CBLB: variants seen among roughly 807,000 people sequenced by gnomAD.
The protein encoded by CBLB is E3 ubiquitin-protein ligase CBL-B.
In CBLB, 31 loss-of-function variants were observed where a neutral mutation model predicts 104.9. That is an observed-to-expected ratio of 0.30 (90% CI 0.22 to 0.40). CBLB has a LOEUF of 0.40. Among genes scored for constraint, CBLB ranks in the 10% least tolerant of loss-of-function variants. The pLI is 1.00. For synonymous variants in CBLB, 440 were observed against 422.6 expected, an observed-to-expected ratio of 1.04 and a Z score of -0.51; for missense variants, 1,062 against 1,214.6, an observed-to-expected ratio of 0.87 and a Z score of 1.87.
intron 3 of CBLB, among the ~76,000 whole-genome samples, chr3:105,846,225 T>C (rs1222286235): frequency 2.6e-5 from 4 of 152,016 alleles, no homozygotes; most frequent in African/African-American, 9.7e-5. Context: ...TTTGTCCTCA[T>C]CAAATTCAAA....
At chr3:105,698,988 C>G (rs977949363) in intron 12 of CBLB, among the ~76,000 whole-genome samples, 2 of 152,042 alleles carry the variant, frequency 1.3e-5, no homozygotes, top group Non-Finnish European at 2.9e-5. Flanking sequence ...GCCATCCTCT[C>G]CCTCCACCTT....
chr3:105,702,224 A>G lies in CBLB; in HGVS notation c.1829T>C (p.Leu610Pro). 1 of 1,614,088 alleles carries G rather than the reference A, an allele frequency of 6.2e-7. No homozygotes were observed. The highest frequency in any genetic ancestry group is 8.5e-7 in the Non-Finnish European group (1 of 1,179,984). Residue 610 changes from leucine to proline, a missense_variant, in exon 12 of 19, where the codon CTA (leucine) becomes CCA (proline). Coordinates refer to ENST00000394030, the MANE Select transcript of CBLB (RefSeq NM_170662.5). ...TCCAGGTTTTGGAGAGCCCTCCCCT[A>G]GGAGTCGACATCCCACAAGCTGATT... ...GTNQLVGCRL[L>P]GEGSPKPGIT... is the part of the protein sequence containing the mutation.
chr3:105,667,920 A>G (rs1288554375), intron 18 of CBLB, among the ~76,000 whole-genome samples: 1 of 152,172 alleles, frequency 6.6e-6, no homozygotes, highest in Admixed American at 6.5e-5. Context: ...TTAGAATCCT[A>G]AAGGCGCATA....
intron 3 of CBLB, among the ~76,000 whole-genome samples, chr3:105,785,812 C>T (rs1246794494): frequency 6.6e-6 from 1 of 152,106 alleles, no homozygotes; most frequent in Non-Finnish European, 1.5e-5. Context: ...TCAGTATGTG[C>T]AAATATAAAG....
chr3:105,746,261 G>A (rs945551720), intron 5 of CBLB, among the ~76,000 whole-genome samples: 3 of 152,146 alleles, frequency 2.0e-5, no homozygotes, highest in Non-Finnish European at 2.9e-5. Flanking sequence ...TTCAGGAAGA[G>A]AATACAGAGA....
intron 10 of CBLB, among the ~76,000 whole-genome samples, chr3:105,705,771 G>T (rs2070019837): frequency 6.6e-6 from 1 of 151,986 alleles, no homozygotes; most frequent in South Asian, 2.1e-4. Flanking sequence ...TATACTCTTT[G>T]CAAGGAAGTC....
chr3:105,717,121 T>C (rs2072009761), intron 10 of CBLB, among the ~76,000 whole-genome samples: 1 of 152,104 alleles, frequency 6.6e-6, no homozygotes, highest in Non-Finnish European at 1.5e-5. Context: ...GACTGCAACT[T>C]TTCCCAAATT....
At chr3:105,801,996 T>C (rs1238266940) in intron 3 of CBLB, among the ~76,000 whole-genome samples, 14 of 152,160 alleles carry the variant, frequency 9.2e-5, no homozygotes, top group Admixed American at 6.5e-4. Flanking sequence ...AAAGTATATA[T>C]ACATTTAAAC....
chr3:105,659,864 C>G (rs1402686752), intron 18 of CBLB, among the ~76,000 whole-genome samples: 1 of 151,978 alleles, frequency 6.6e-6, no homozygotes, highest in Non-Finnish European at 1.5e-5. Context: ...TGTTAGTCAA[C>G]AGGCTGAACG....
At chr3:105,661,936 A>C (rs1032414219) in intron 18 of CBLB, among the ~76,000 whole-genome samples, 1 of 152,224 alleles carries the variant, frequency 6.6e-6, no homozygotes, top group Non-Finnish European at 1.5e-5. Flanking sequence ...TGCTATACTC[A>C]AATGCTATAA....
At chr3:105,779,314 G>A (rs776916068) in intron 3 of CBLB, among the ~76,000 whole-genome samples, 1 of 151,932 alleles carries the variant, frequency 6.6e-6, no homozygotes, top group Non-Finnish European at 1.5e-5. Context: ...TAATCACCAG[G>A]ACCTATATCA....
intron 3 of CBLB, among the ~76,000 whole-genome samples, chr3:105,852,901 G>A (rs996545814): frequency 6.6e-6 from 1 of 152,078 alleles, no homozygotes; most frequent in Non-Finnish European, 1.5e-5. Context: ...ATTTTTAGTA[G>A]AGACAGGGTT....
At chr3:105,787,718 A>G (rs528671647) in intron 3 of CBLB, among the ~76,000 whole-genome samples, 2 of 152,326 alleles carry the variant, frequency 1.3e-5, no homozygotes, top group South Asian at 4.1e-4. Flanking sequence ...CTAACATAGA[A>G]AACTCAAATT....
chr3:105,680,262 G>GA (rs2066152449), intron 16 of CBLB, among the ~76,000 whole-genome samples: 1 of 151,976 alleles, frequency 6.6e-6, no homozygotes, highest in African/African-American at 2.4e-5. Flanking sequence ...ACAGTATGAA[G>GA]AAAAAAATGA....
intron 3 of CBLB, among the ~76,000 whole-genome samples, chr3:105,786,910 A>G (rs1174892823): frequency 6.6e-6 from 1 of 152,172 alleles, no homozygotes; most frequent in East Asian, 1.9e-4. Flanking sequence ...GATTCAATTA[A>G]CTCCATTTTA....
intron 3 of CBLB, among the ~76,000 whole-genome samples, chr3:105,807,978 T>C (rs947304409): frequency 4.3e-4 from 66 of 152,300 alleles, no homozygotes; most frequent in Admixed American, 1.3e-4. Flanking sequence ...GTAACAAATA[T>C]GTAACCACTC....
At chr3:105,758,325 T>C (rs1027530343) in intron 4 of CBLB, among the ~76,000 whole-genome samples, 5 of 152,182 alleles carry the variant, frequency 3.3e-5, no homozygotes, top group Non-Finnish European at 4.4e-5. Context: ...CACTCTTCCT[T>C]ATACATGAAA....
chr3:105,840,537 T>C (rs11924926), intron 3 of CBLB, among the ~76,000 whole-genome samples: 152,298 of 152,368 alleles, frequency 1, 76,114 homozygotes, highest in Non-Finnish European at 1. Flanking sequence ...AAAGGCATTA[T>C]AATTCTGATA....
chr3:105,848,855 T>C (rs1020515919), intron 3 of CBLB, among the ~76,000 whole-genome samples: 6 of 152,136 alleles, frequency 3.9e-5, no homozygotes, highest in African/African-American at 1.2e-4. Context: ...GTAACCAGCG[T>C]TGTCATACCG....
Sources: gnomAD v4.1 joint callset for allele counts (sites outside exome capture counted in the v4.1 genomes callset) on GRCh38, gnomAD v4.1.1 for gene constraint, MANE v1.5 for transcripts, NCBI Gene and HGNC (gene_info 2026-07-23, HGNC 2026-07-21) for gene names.